Variants in CDH12 observed in about 807,000 individuals in gnomAD.
CDH12 encodes cadherin-12.
A neutral mutation model predicts 74.1 loss-of-function variants in CDH12; 41 were observed. The observed-to-expected ratio is 0.55, with a 90% CI of 0.43 to 0.72. The LOEUF (loss-of-function observed/expected upper bound fraction) is 0.72, where lower values mean the gene tolerates loss of function less well. CDH12 is among the 30% of genes least tolerant of loss of function. CDH12 has a pLI of 0.00. For missense variants in CDH12, 945 were observed against 977.2 expected (o/e 0.97, Z 0.44); for synonymous variants, 399 against 355.0 (o/e 1.12, Z -1.39).
At chr5:22,671,354 C>T (rs934705583) in intron 1 of CDH12, among the ~76,000 whole-genome samples, 1 of 152,050 alleles carries the variant, frequency 6.6e-6, no homozygotes, top group Non-Finnish European at 1.5e-5. Flanking sequence ...AGCAGATCTC[C>T]AGAACTAATT....
chr5:21,922,952 A>ACC (rs1244602439), intron 6 of CDH12, among the ~76,000 whole-genome samples: 23 of 146,706 alleles, frequency 1.6e-4, no homozygotes, highest in African/African-American at 6.0e-4. Flanking sequence ...CTATATCTAT[A>ACC]TCTATATCTA....
chr5:22,367,960 A>G (rs1741104111), intron 3 of CDH12, among the ~76,000 whole-genome samples: 1 of 152,150 alleles, frequency 6.6e-6, no homozygotes, highest in Non-Finnish European at 1.5e-5. Context: ...ATTGAGGTCA[A>G]CCTTTTACTT....
At chr5:22,739,270 A>G (rs1446803112) in intron 1 of CDH12, among the ~76,000 whole-genome samples, 3 of 152,088 alleles carry the variant, frequency 2.0e-5, no homozygotes, top group East Asian at 1.9e-4. Context: ...AATTTTGTAT[A>G]TAGTGAAATA....
intron 3 of CDH12, among the ~76,000 whole-genome samples, chr5:22,263,910 A>G (rs1382521798): frequency 6.6e-6 from 1 of 151,992 alleles, no homozygotes; most frequent in Non-Finnish European, 1.5e-5. Context: ...CAACATATCA[A>G]TATAATGTGT....
rs368150096 is a variant in CDH12 at position 21,781,933 on chromosome 5, T to C, written c.1393+1425A>G. On this transcript the variant is annotated intron_variant, in intron 11 of 14. Coordinates refer to ENST00000382254, the MANE Select transcript of CDH12 (RefSeq NM_004061.5). ...AGCAGACATCAAAATGTAGTTACTT[T>C]TAATAAATGTGAAATATTGTAAAAT... Among the ~76,000 whole-genome samples, 5 of 152,218 alleles carry C rather than the reference T, an allele frequency of 3.3e-5. 1 individual carries two copies. The East Asian group carries it at 5.8e-4, about 18-fold the overall frequency.
At chr5:22,306,756 A>G (rs1235339031) in intron 3 of CDH12, among the ~76,000 whole-genome samples, 1 of 152,188 alleles carries the variant, frequency 6.6e-6, no homozygotes, top group East Asian at 1.9e-4. Context: ...AAAAGTTTGC[A>G]TGAAAATCAA....
At chr5:21,994,758 T>C (rs533196381) in intron 5 of CDH12, among the ~76,000 whole-genome samples, 1 of 152,294 alleles carries the variant, frequency 6.6e-6, no homozygotes, top group Non-Finnish European at 1.5e-5. Flanking sequence ...TCTGTCTAGC[T>C]AAACGATTGT....
chr5:22,723,559 C>T (rs953057505), intron 1 of CDH12, among the ~76,000 whole-genome samples: 4 of 152,074 alleles, frequency 2.6e-5, no homozygotes, highest in Non-Finnish European at 5.9e-5. Context: ...AACACAAAAA[C>T]ATTCCCCTTA....
At chr5:21,955,592 T>A (rs1323774588) in intron 6 of CDH12, among the ~76,000 whole-genome samples, 1 of 152,000 alleles carries the variant, frequency 6.6e-6, no homozygotes, top group Non-Finnish European at 1.5e-5. Flanking sequence ...AATTTGCCGA[T>A]CTCTACAAAT....
intron 5 of CDH12, among the ~76,000 whole-genome samples, chr5:22,007,814 C>T (rs1294553703): frequency 6.6e-6 from 1 of 152,144 alleles, no homozygotes; most frequent in East Asian, 1.9e-4. Context: ...AATGTTTTGG[C>T]TGATGATTTC....
At chr5:21,842,116 T>G in intron 8 of CDH12, 45 bp downstream of exon 8, 2 of 1,492,986 alleles carry the variant, frequency 1.3e-6, no homozygotes, top group Non-Finnish European at 1.8e-6. Flanking sequence ...CCATTAAATT[T>G]TTTTAAACCG....
intron 8 of CDH12, among the ~76,000 whole-genome samples, chr5:21,841,734 C>T (rs1405032419): frequency 6.6e-6 from 1 of 151,812 alleles, no homozygotes; most frequent in Non-Finnish European, 1.5e-5. Context: ...TGGAAATCAT[C>T]ATTCTCAGTA....
chr5:22,524,530 A>T (rs1000548075), intron 1 of CDH12, among the ~76,000 whole-genome samples: 1 of 152,196 alleles, frequency 6.6e-6, no homozygotes, highest in Non-Finnish European at 1.5e-5. Flanking sequence ...TGTGACATGC[A>T]TATATTATAT....
In CDH12 at chr5:22,382,439, T is replaced by C. The variant is rs181507006; in HGVS notation, c.-333+22818A>G. On this transcript the variant is annotated intron_variant, in intron 3 of 14. Coordinates refer to ENST00000382254, the MANE Select transcript of CDH12 (RefSeq NM_004061.5). ...CAAGTCCCTGACTGTTACCGGGCCCTGTAGAGATGCACCATGAGTGTTGCA... is the reference window on the plus strand; with the variant it reads ...CAAGTCCCTGACTGTTACCGGGCCCCGTAGAGATGCACCATGAGTGTTGCA... Among the ~76,000 whole-genome samples, 780 of 151,970 alleles carry C rather than the reference T, an allele frequency of 5.1e-3. 8 individuals are homozygous for C. The highest frequency in any genetic ancestry group is 0.018 in the African/African-American group (750 of 41,484).
intron 1 of CDH12, among the ~76,000 whole-genome samples, chr5:22,739,283 C>T (rs1744894789): frequency 6.6e-6 from 1 of 151,258 alleles, no homozygotes; most frequent in Non-Finnish European, 1.5e-5. Context: ...GTGAAATAAA[C>T]ATATATACAA....
chr5:22,216,762 A>G (rs1263794666), intron 3 of CDH12, among the ~76,000 whole-genome samples: 3 of 151,934 alleles, frequency 2.0e-5, no homozygotes, highest in African/African-American at 7.2e-5. Context: ...AGTTTAAGAT[A>G]AGATGAAATT....
At chr5:21,785,576 A>G (rs1330189530) in intron 10 of CDH12, among the ~76,000 whole-genome samples, 2 of 152,180 alleles carry the variant, frequency 1.3e-5, no homozygotes, top group East Asian at 1.9e-4. Flanking sequence ...TATTGTGGTT[A>G]TAGAGAAACT....
intron 6 of CDH12, among the ~76,000 whole-genome samples, chr5:21,886,814 T>C (rs1189909570): frequency 1.3e-5 from 2 of 151,930 alleles, no homozygotes; most frequent in Non-Finnish European, 2.9e-5. Flanking sequence ...TACTTATCTC[T>C]CATTCAATAT....
At chr5:22,246,889 A>G (rs1752964103) in intron 3 of CDH12, among the ~76,000 whole-genome samples, 1 of 152,156 alleles carries the variant, frequency 6.6e-6, no homozygotes, top group Non-Finnish European at 1.5e-5. Flanking sequence ...ATACTCATGA[A>G]TGAGTCAAAT....
Sources: gnomAD v4.1 joint callset for allele counts (sites outside exome capture counted in the v4.1 genomes callset) on GRCh38, gnomAD v4.1.1 for gene constraint, MANE v1.5 for transcripts, NCBI Gene and HGNC (gene_info 2026-07-23, HGNC 2026-07-21) for gene names.